The following DLG2 variants were observed in gnomAD, a reference collection of about 807,000 sequenced individuals.
The protein encoded by DLG2 is discs large MAGUK scaffold protein 2.
DLG2 carries 45 observed loss-of-function variants against 132.5 expected under a neutral mutation model. The observed-to-expected ratio is 0.34, with a 90% confidence interval of 0.27 to 0.44. The LOEUF (loss-of-function observed/expected upper bound fraction) is 0.44. DLG2 is among the 20% of genes least tolerant of loss of function. DLG2 has a pLI of 1.00. For synonymous variants in DLG2, 424 were observed against 419.6 expected (o/e 1.01, Z -0.13); for missense variants, 1,045 against 1,196.9 (o/e 0.87, Z 1.87).
At chr11:83,592,874 C>T (rs1394884616) in intron 19 of DLG2, among the ~76,000 whole-genome samples, 1 of 149,280 alleles carries the variant, frequency 6.7e-6, no homozygotes, top group Non-Finnish European at 1.5e-5. Context: ...ATTTATGCAG[C>T]CAAAAAACAC....
At chr11:85,320,832 G>C (rs191387132) in intron 3 of DLG2, among the ~76,000 whole-genome samples, 3 of 151,882 alleles carry the variant, frequency 2.0e-5, no homozygotes, top group Admixed American at 1.3e-4. Flanking sequence ...CTGGAGCAGA[G>C]TGAATGAAGG....
At chr11:83,738,873 C>T (rs2092253797) in intron 18 of DLG2, among the ~76,000 whole-genome samples, 1 of 152,128 alleles carries the variant, frequency 6.6e-6, no homozygotes, top group Non-Finnish European at 1.5e-5. Flanking sequence ...CTTCTGCCAT[C>T]AAGGTGAACT....
At chr11:83,792,344 CA>C (rs2041804857) in intron 17 of DLG2, among the ~76,000 whole-genome samples, 1 of 151,700 alleles carries the variant, frequency 6.6e-6, no homozygotes, top group Admixed American at 6.6e-5. Context: ...AATAAGAAAA[CA>C]AAAACAGGCC....
rs1407530099 is a variant in DLG2, at chr11:85,353,133, A to G, written c.41-67768T>C. On this transcript the variant is annotated intron_variant, in intron 3 of 27. Coordinates refer to ENST00000376104, the MANE Select transcript of DLG2 (RefSeq NM_001142699.3). The stretch of plus-strand genomic sequence containing the variant: ...CAGAATCTACAAGGAACTTAAACAA[A>G]TTTACAAGAAAAAAACAAACAACCC... 5.9e-5 allele frequency among the ~76,000 whole-genome samples: 9 copies of G among 152,314 alleles called. No individual in the cohort carries two copies. In the East Asian group the frequency reaches 1.3e-3, roughly 23 times the overall value.
chr11:83,941,505 C>A (rs1395180513), intron 14 of DLG2, among the ~76,000 whole-genome samples: 1 of 152,082 alleles, frequency 6.6e-6, no homozygotes, highest in Non-Finnish European at 1.5e-5. Flanking sequence ...AAGCCATTCT[C>A]CCATCTCAGC....
chr11:85,073,993 G>A (rs2066200458), intron 6 of DLG2, among the ~76,000 whole-genome samples: 1 of 151,756 alleles, frequency 6.6e-6, no homozygotes, highest in Admixed American at 6.6e-5. Flanking sequence ...ACCAACACAG[G>A]AACAGAAAAC....
At chr11:84,728,881 G>A (rs1054095185) in intron 6 of DLG2, among the ~76,000 whole-genome samples, 2 of 152,152 alleles carry the variant, frequency 1.3e-5, no homozygotes, top group African/African-American at 2.4e-5. Flanking sequence ...TTTGCATGGA[G>A]GTGTTTATAG....
intron 6 of DLG2, among the ~76,000 whole-genome samples, chr11:84,690,120 G>C (rs2057847145): frequency 6.6e-6 from 1 of 151,768 alleles, no homozygotes; most frequent in Admixed American, 6.6e-5. Context: ...GATGGGGTTG[G>C]GGGTAGGGGG....
chr11:84,219,755 T>C (rs2096888723), intron 8 of DLG2, among the ~76,000 whole-genome samples: 1 of 152,222 alleles, frequency 6.6e-6, no homozygotes, highest in South Asian at 2.1e-4. Context: ...CTCAGACTTA[T>C]GGCCATCTTC....
intron 3 of DLG2, among the ~76,000 whole-genome samples, chr11:85,531,423 C>T (rs1009648705): frequency 6.6e-6 from 1 of 152,188 alleles, no homozygotes; most frequent in Non-Finnish European, 1.5e-5. Context: ...CAATTCAATA[C>T]ACATGTTTTT....
intron 15 of DLG2, among the ~76,000 whole-genome samples, chr11:83,918,352 G>C (rs2077268534): frequency 6.6e-6 from 1 of 152,174 alleles, no homozygotes; most frequent in Non-Finnish European, 1.5e-5. Context: ...GATACCAGTA[G>C]CTGCCTGAGG....
At position 85,082,735 on chromosome 11, in the gene DLG2, CTTT is replaced by C. The variant is rs71036458; in HGVS notation, c.357+28923_357+28925del. Among the ~76,000 whole-genome samples, 497 of 113,388 alleles carry C rather than the reference CTTT, an allele frequency of 4.4e-3. 1 individual carries two copies. The highest frequency in any genetic ancestry group is 0.02 in the Middle Eastern group (4 of 202). 74.4% of individuals were successfully genotyped at this position (113,388 alleles called of 152,430 possible). The stretch of plus-strand genomic sequence containing the variant: ...AAGCACATGGTTTTTTCTTTTCTTT[CTTT>C]TTTTTTTTTTTTTTTTTCACCTGAG... On this transcript the variant is annotated intron_variant, in intron 6 of 27. Transcript: ENST00000376104.
intron 19 of DLG2, among the ~76,000 whole-genome samples, chr11:83,552,470 G>A (rs1005300598): frequency 6.6e-6 from 1 of 152,072 alleles, no homozygotes; most frequent in Non-Finnish European, 1.5e-5. Context: ...CTCTGGGATT[G>A]TAGAGCTCCT....
At chr11:85,351,191 C>T (rs936614328) in intron 3 of DLG2, among the ~76,000 whole-genome samples, 11 of 152,180 alleles carry the variant, frequency 7.2e-5, no homozygotes, top group African/African-American at 2.7e-4. Flanking sequence ...GGAGTTCACT[C>T]ATGATTTGGC....
chr11:85,127,526 T>C (rs561090966), intron 5 of DLG2, among the ~76,000 whole-genome samples: 5 of 152,304 alleles, frequency 3.3e-5, no homozygotes, highest in Non-Finnish European at 7.3e-5. Flanking sequence ...TTTTCCCCAT[T>C]AGACGAAAGG....
chr11:85,177,661 T>C (rs1428848275), intron 4 of DLG2, among the ~76,000 whole-genome samples: 1 of 152,040 alleles, frequency 6.6e-6, no homozygotes, highest in Non-Finnish European at 1.5e-5. Context: ...CCTACATATA[T>C]ACCCCAGAAC....
At chr11:84,367,073 T>C (rs2098687006) in intron 7 of DLG2, among the ~76,000 whole-genome samples, 1 of 152,108 alleles carries the variant, frequency 6.6e-6, no homozygotes, top group African/African-American at 2.4e-5. Context: ...AGTAAAGCTC[T>C]CCTCAGCAAA....
At chr11:83,592,262 TCAAAACAG>T (rs2097201259) in intron 19 of DLG2, among the ~76,000 whole-genome samples, 1 of 151,052 alleles carries the variant, frequency 6.6e-6, no homozygotes, top group African/African-American at 2.4e-5. Flanking sequence ...GCTACAGTAA[TCAAAACAG>T]CATGGTACTG....
intron 8 of DLG2, among the ~76,000 whole-genome samples, chr11:84,182,619 T>C (rs565287721): frequency 4.4e-4 from 67 of 152,148 alleles, no homozygotes; most frequent in South Asian, 8.3e-4. Flanking sequence ...TAGAGGGAAA[T>C]TCATAGCATC....
Sources: allele counts gnomAD v4.1 joint callset (sites outside exome capture counted in the v4.1 genomes callset), GRCh38; gene constraint gnomAD v4.1.1; transcripts MANE v1.5; gene names NCBI Gene and HGNC (gene_info 2026-07-23, HGNC 2026-07-21).